Variants in WWOX observed in about 807,000 individuals in gnomAD.
WWOX encodes WW domain-containing oxidoreductase.
A neutral mutation model predicts 46.2 loss-of-function variants in WWOX; 69 were observed. The observed-to-expected ratio is 1.49, with a 90% CI of 1.23 to 1.82. The LOEUF (loss-of-function observed/expected upper bound fraction) is 1.82, where lower values mean the gene tolerates loss of function less well. Among genes scored for constraint, WWOX ranks in the 40% most tolerant of loss-of-function variants. The probability of loss-of-function intolerance (pLI) is 0.00; values close to 1 mark genes in which losing one functional copy is unlikely to be tolerated. For missense variants in WWOX, 919 were observed against 542.6 expected (o/e 1.69, Z -6.89); for synonymous variants, 359 against 202.6 (o/e 1.77, Z -6.56).
At chr16:78,901,159 A>C (rs1004071765) in intron 8 of WWOX, among the ~76,000 whole-genome samples, 2 of 152,180 alleles carry the variant, frequency 1.3e-5, no homozygotes, top group Non-Finnish European at 2.9e-5. Flanking sequence ...GGCAAAATGC[A>C]GAGTTCGGGT....
At chr16:78,889,481 T>G (rs2044541472) in intron 8 of WWOX, among the ~76,000 whole-genome samples, 1 of 151,916 alleles carries the variant, frequency 6.6e-6, no homozygotes, top group Non-Finnish European at 1.5e-5. Context: ...CCTTGGCGGT[T>G]GATGCTAGAC....
chr16:78,802,728 C>T (rs1165792049), intron 8 of WWOX, among the ~76,000 whole-genome samples: 2 of 151,162 alleles, frequency 1.3e-5, no homozygotes, highest in East Asian at 3.9e-4. Flanking sequence ...TCAGCCTGGG[C>T]AATATGGTGA....
intron 5 of WWOX, among the ~76,000 whole-genome samples, chr16:78,202,562 T>C (rs2036265340): frequency 6.6e-6 from 1 of 152,218 alleles, no homozygotes; most frequent in African/African-American, 2.4e-5. Flanking sequence ...CAGTTTTCTG[T>C]TTGGGGAACA....
chr16:78,291,494 A>G (rs1339509986), intron 5 of WWOX, among the ~76,000 whole-genome samples: 1 of 152,204 alleles, frequency 6.6e-6, no homozygotes, highest in Admixed American at 6.5e-5. Flanking sequence ...GGCGGCTGCC[A>G]TTCAGCAATC....
intron 8 of WWOX, among the ~76,000 whole-genome samples, chr16:79,182,069 T>TCCCCACCCTACCCCCCCCCCCCCCA (rs57184665): frequency 6.7e-6 from 1 of 149,740 alleles, no homozygotes; most frequent in African/African-American, 2.5e-5. Flanking sequence ...CCTTCCAACA[T>TCCCCACCCTACCCCCCCCCCCCCCA]CCCCACCCTA....
intron 8 of WWOX, among the ~76,000 whole-genome samples, chr16:79,173,452 G>A (rs575592905): frequency 2.6e-5 from 4 of 152,306 alleles, no homozygotes; most frequent in African/African-American, 9.6e-5. Flanking sequence ...GGCAGAGACT[G>A]GGACCAGAAG....
chr16:78,585,462 C>A (rs933998458), intron 8 of WWOX, among the ~76,000 whole-genome samples: 13 of 152,052 alleles, frequency 8.5e-5, no homozygotes, highest in African/African-American at 2.2e-4. Flanking sequence ...ACTGATGGGC[C>A]CCCAACTCAA....
rs150820715 is a variant in WWOX at position 78,755,296 on chromosome 16, A to G, written c.1056+322544A>G. On this transcript the variant is annotated intron_variant, in intron 8 of 8. Coordinates refer to ENST00000566780, the MANE Select transcript of WWOX (RefSeq NM_016373.4). Reference sequence around the variant, plus strand: ...GAGACTCTCTTCCTTGAAGGATTTAATTCCAGGAATTGGAGAATGTCTTGT... The same window carrying G: ...GAGACTCTCTTCCTTGAAGGATTTAGTTCCAGGAATTGGAGAATGTCTTGT... 2.2e-3 allele frequency among the ~76,000 whole-genome samples: 338 copies of G among 152,264 alleles called. 2 individuals are homozygous for G. The highest frequency in any genetic ancestry group is 7.6e-3 in the African/African-American group (317 of 41,538).
chr16:78,991,894 A>G (rs572472445), intron 8 of WWOX, among the ~76,000 whole-genome samples: 83 of 152,146 alleles, frequency 5.5e-4, no homozygotes, highest in African/African-American at 1.8e-3. Flanking sequence ...CACCTCCATA[A>G]ATGTTCCTTT....
intron 5 of WWOX, among the ~76,000 whole-genome samples, chr16:78,366,239 G>A (rs1220948096): frequency 2.0e-5 from 3 of 152,180 alleles, no homozygotes; most frequent in Non-Finnish European, 4.4e-5. Flanking sequence ...ATTTAACGCT[G>A]TTATGTACGA....
chr16:78,745,767 C>CT lies in WWOX; in HGVS notation c.1056+313015_1056+313016insT, dbSNP rs200709079. On this transcript the variant is annotated intron_variant, in intron 8 of 8. Transcript: ENST00000566780. ...CCTCCTCCCTCTTCCTCCTCTTTTT[C>CT]CCCCCCCTTCAAATAGTTCCAAGAC... Among the ~76,000 whole-genome samples the CT allele has an allele frequency of 3.5e-3, 521 of 149,014 alleles. 3 individuals carry two copies. The highest frequency in any genetic ancestry group is 0.017 in the Middle Eastern group (5 of 294).
chr16:78,488,080 C>T (rs2084684503), intron 8 of WWOX, among the ~76,000 whole-genome samples: 1 of 152,158 alleles, frequency 6.6e-6, no homozygotes, highest in Non-Finnish European at 1.5e-5. Flanking sequence ...AGCCTATTTT[C>T]TGAGCTGTGG....
chr16:78,802,624 A>G (rs941836728), intron 8 of WWOX, among the ~76,000 whole-genome samples: 2 of 152,020 alleles, frequency 1.3e-5, no homozygotes, highest in African/African-American at 4.8e-5. Context: ...TAATGCATTA[A>G]TGGTTGAATG....
intron 5 of WWOX, among the ~76,000 whole-genome samples, chr16:78,286,318 T>G (rs1319632138): frequency 6.6e-6 from 1 of 152,228 alleles, no homozygotes; most frequent in African/African-American, 2.4e-5. Flanking sequence ...AAAAATTTGA[T>G]TAATGTTTTG....
intron 5 of WWOX, among the ~76,000 whole-genome samples, chr16:78,326,225 G>T (rs1231753537): frequency 1.3e-5 from 2 of 152,212 alleles, no homozygotes; most frequent in Admixed American, 1.3e-4. Flanking sequence ...GAATTATGGG[G>T]ATGCTCACAA....
In WWOX at chr16:78,806,960, C is replaced by T. The variant is rs567521043; in HGVS notation, c.1056+374208C>T. On this transcript the variant is annotated intron_variant, in intron 8 of 8. Coordinates refer to ENST00000566780, the MANE Select transcript of WWOX (RefSeq NM_016373.4). ...TTTTGAATCCTACCTCTGCCTCTTA[C>T]TAGCCACATGACTGGGTCTTAGCAT... Among the ~76,000 whole-genome samples, 26 of 152,336 alleles carry T rather than the reference C, an allele frequency of 1.7e-4. 1 individual carries two copies. In the South Asian group the frequency reaches 4.6e-3, roughly 27 times the overall value.
At chr16:78,785,850 C>T (rs929539431) in intron 8 of WWOX, among the ~76,000 whole-genome samples, 6 of 152,020 alleles carry the variant, frequency 3.9e-5, no homozygotes, top group Admixed American at 2.0e-4. Context: ...TTCTGCTACT[C>T]ATAATGTAGC....
chr16:78,887,703 G>T (rs1286485456), intron 8 of WWOX, among the ~76,000 whole-genome samples: 1 of 152,154 alleles, frequency 6.6e-6, no homozygotes, highest in Non-Finnish European at 1.5e-5. Context: ...TTTAAAGATA[G>T]TGGTTTTCCA....
intron 4 of WWOX, chr16:78,123,278 A>G (rs1260582193): frequency 6.6e-6 from 1 of 151,978 alleles, no homozygotes; most frequent in East Asian, 1.9e-4. Flanking sequence ...ACACAAGGGC[A>G]TGTGTTTTCA....
Sources: allele counts gnomAD v4.1 joint callset (sites outside exome capture counted in the v4.1 genomes callset), GRCh38; gene constraint gnomAD v4.1.1; transcripts MANE v1.5; gene names NCBI Gene and HGNC (gene_info 2026-07-23, HGNC 2026-07-21).